Variants in DSCAML1 observed in about 807,000 individuals in gnomAD.
The protein encoded by DSCAML1 is cell adhesion molecule DSCAML1.
In DSCAML1, 38 loss-of-function variants were observed where a neutral mutation model predicts 200.5. The ratio of observed to expected loss-of-function variants is 0.19; its 90% CI spans 0.15 to 0.25. The LOEUF is 0.25. Among genes scored for constraint, DSCAML1 ranks in the 10% least tolerant of loss-of-function variants. The probability of loss-of-function intolerance (pLI) is 1.00; values close to 1 mark genes in which losing one functional copy is unlikely to be tolerated. For missense variants in DSCAML1, 2,223 were observed against 2,858.8 expected, an observed-to-expected ratio of 0.78 and a Z score of 5.07; for synonymous variants, 1,215 against 1,165.0, an observed-to-expected ratio of 1.04 and a Z score of -0.87.
rs1301142862 is a variant in DSCAML1 at position 117,516,233 on chromosome 11, C to T, written c.1783+234G>A. On this transcript the variant is annotated intron_variant, in intron 8 of 32. Transcript: ENST00000651296. The surrounding 1 kb of genome is among the most constrained non-coding windows in gnomAD (Gnocchi z 5.7). ...CCCTCTCATGCACCTGGGGTGTGTGCTGTCTTATTCTGCAGCCCGAGGAGG... is the reference window on the plus strand; with the variant it reads ...CCCTCTCATGCACCTGGGGTGTGTGTTGTCTTATTCTGCAGCCCGAGGAGG... 6.6e-6 allele frequency among the ~76,000 whole-genome samples: 1 copy of T among 152,220 alleles called. No homozygotes were observed. Among genetic ancestry groups the T allele is most frequent in the African/African-American group, 2.4e-5 (1 of 41,458 alleles).
intron 3 of DSCAML1, among the ~76,000 whole-genome samples, chr11:117,663,869 C>T (rs1272480326): frequency 2.0e-5 from 3 of 152,200 alleles, no homozygotes; most frequent in African/African-American, 4.8e-5. Context: ...CAACATCTTT[C>T]CCCGCTACAT....
At chr11:117,756,616 CTAT>C (rs1565265681) in intron 3 of DSCAML1, among the ~76,000 whole-genome samples, 2 of 152,096 alleles carry the variant, frequency 1.3e-5, no homozygotes, top group African/African-American at 2.4e-5. Flanking sequence ...TTGTAGAAAA[CTAT>C]TATTATTCTT....
At position 117,498,740 on chromosome 11, in the gene DSCAML1, C is replaced by T. The variant is rs1032314875; in HGVS notation, c.2359+5105G>A. On this transcript the variant is annotated intron_variant, in intron 11 of 32. Transcript: ENST00000651296. This position sits in a 1 kb window ranked among gnomAD's most constrained non-coding sequence, Gnocchi z 4.0. ...GCCCCCTCCATTTCTCAAGTCCCCA[C>T]GAGAGTTTGGCCCCAAGCTCCCCGC... Among the ~76,000 whole-genome samples, 34 of 152,198 alleles carry T rather than the reference C, an allele frequency of 2.2e-4. No individual in the cohort carries two copies. Among genetic ancestry groups the T allele is most frequent in the East Asian group, 5.8e-4 (3 of 5,202 alleles).
chr11:117,453,746 C>CTTTCTTTTTTTTTTT (rs748920908), intron 19 of DSCAML1, among the ~76,000 whole-genome samples: 2 of 138,182 alleles, frequency 1.4e-5, no homozygotes, highest in African/African-American at 5.7e-5. Flanking sequence ...TTCTTTCTTT[C>CTTTCTTTTTTTTTTT]TTTTTTTTTT....
chr11:117,431,066 G>A (rs1377580588), intron 31 of DSCAML1, 33 bp from the exon 32 acceptor site: 2 of 1,578,758 alleles, frequency 1.3e-6, no homozygotes, highest in African/African-American at 1.3e-5. Flanking sequence ...GTGGGTTACG[G>A]GGAGGAGGGT....
rs2055136503 is a variant in DSCAML1 at position 117,776,816 on chromosome 11, C to T, written c.486G>A (p.Glu162=). ...CTGGGATGATGGAGACTGTGTCTTT[C>T]TCCCAAGATACAACGCTAACATATT... ...VQEYVSVVSW[E]KDTVSIIPEH... The change falls in exon 3 of 33, where the codon GAG becomes GAA. Residue 162 remains glutamate (E), a synonymous_variant. Coordinates refer to ENST00000651296, the MANE Select transcript of DSCAML1 (RefSeq NM_020693.4). The T allele has an allele frequency of 6.2e-7, 1 of 1,614,060 alleles. No homozygotes were observed. Among genetic ancestry groups the T allele is most frequent in the Non-Finnish European group, 8.5e-7 (1 of 1,180,038 alleles).
At chr11:117,482,764 G>A (rs536302850) in intron 11 of DSCAML1, among the ~76,000 whole-genome samples, 1 of 152,304 alleles carries the variant, frequency 6.6e-6, no homozygotes, top group East Asian at 1.9e-4. Context: ...TCAGTTAGAA[G>A]TTAGTGAAAA....
rs2049341708 is a variant in DSCAML1, at chr11:117,498,795, T to G, written c.2359+5050A>C. 6.6e-6 allele frequency among the ~76,000 whole-genome samples: 1 copy of G among 152,176 alleles called. No individual in the cohort carries two copies. The highest frequency in any genetic ancestry group is 2.4e-5 in the African/African-American group (1 of 41,428). ...GATGTTGTGGCTGCGCAGCTGGGTG[T>G]GTGCTCGCTGAGGGCACTGGGACCT... On this transcript the variant is annotated intron_variant, in intron 11 of 32. Transcript: ENST00000651296. This position sits in a 1 kb window ranked among gnomAD's most constrained non-coding sequence, Gnocchi z 4.0.
chr11:117,810,104 T>C (rs896324975), intron 1 of DSCAML1, among the ~76,000 whole-genome samples: 1 of 151,244 alleles, frequency 6.6e-6, no homozygotes, highest in Non-Finnish European at 1.5e-5. Context: ...CACATTCACA[T>C]ACATACATAT....
At chr11:117,487,100 T>G (rs1460323634) in intron 11 of DSCAML1, among the ~76,000 whole-genome samples, 1 of 151,752 alleles carries the variant, frequency 6.6e-6, no homozygotes, top group African/African-American at 2.4e-5. Context: ...AATTTTTGCA[T>G]TTTTAGTAGA....
chr11:117,687,901 G>T (rs771035004), intron 3 of DSCAML1, among the ~76,000 whole-genome samples: 2 of 152,166 alleles, frequency 1.3e-5, no homozygotes, highest in African/African-American at 4.8e-5. Context: ...GACCACATTT[G>T]TCCTCATGGC....
In DSCAML1 at chr11:117,505,076, A is replaced by AT; in HGVS notation, c.2063-34dup. ...AAGAGGGAAGGTAGGGAAACAGACC[A>AT]TTTTAGTCTCTGATGGGTCTCCTAG... On this transcript the variant is annotated intron_variant, in intron 9 of 32. Coordinates refer to ENST00000651296, the MANE Select transcript of DSCAML1 (RefSeq NM_020693.4). The surrounding 1 kb of genome is among the most constrained non-coding windows in gnomAD (Gnocchi z 6.7). 6.3e-7 allele frequency: 1 copy of AT among 1,597,750 alleles called. No homozygotes were observed. The highest frequency in any genetic ancestry group is 8.6e-7 in the Non-Finnish European group (1 of 1,169,300).
chr11:117,490,635 A>G (rs2049165417), intron 11 of DSCAML1, among the ~76,000 whole-genome samples: 1 of 152,202 alleles, frequency 6.6e-6, no homozygotes, highest in South Asian at 2.1e-4. Context: ...GCCTGGCTCT[A>G]TTATCCCCTA....
intron 3 of DSCAML1, among the ~76,000 whole-genome samples, chr11:117,602,276 C>T (rs375017131): frequency 7.2e-5 from 11 of 152,218 alleles, no homozygotes; most frequent in African/African-American, 2.2e-4. Flanking sequence ...CCTGGGCACA[C>T]GTGGCCTGGA....
At chr11:117,755,144 T>C (rs1004410045) in intron 3 of DSCAML1, among the ~76,000 whole-genome samples, 5 of 152,168 alleles carry the variant, frequency 3.3e-5, no homozygotes, top group African/African-American at 1.2e-4. Context: ...ATGATGTCTA[T>C]TGGAAGTCAC....
chr11:117,763,340 T>A (rs1013972547), intron 3 of DSCAML1, among the ~76,000 whole-genome samples: 1 of 151,766 alleles, frequency 6.6e-6, no homozygotes, highest in Non-Finnish European at 1.5e-5. Context: ...CCCTGTGTGA[T>A]CCCAGTGGGC....
chr11:117,504,956 G>T lies in DSCAML1; in HGVS notation c.2150C>A (p.Pro717His), dbSNP rs1181034473. 6.2e-7 allele frequency: 1 copy of T among 1,611,218 alleles called. No homozygotes were observed. Among genetic ancestry groups the T allele is most frequent in the Non-Finnish European group, 8.5e-7 (1 of 1,178,306 alleles). Residue 717 changes from proline to histidine, a missense_variant, in exon 10 of 33, where the codon CCC becomes CAC. This residue lies in a region of DSCAML1 where 212 missense variants were observed against 368.0 expected (regional missense o/e 0.58). Coordinates refer to ENST00000651296, the MANE Select transcript of DSCAML1 (RefSeq NM_020693.4). The surrounding 1 kb of genome is among the most constrained non-coding windows in gnomAD (Gnocchi z 5.0). ...ATGCTTCCACATGACCTTGGGTGGGGGGTAGCCGTCCACCGAGCAGTTGAG... is the reference window on the plus strand; with the variant it reads ...ATGCTTCCACATGACCTTGGGTGGGTGGTAGCCGTCCACCGAGCAGTTGAG... ...GVLNCSVDGY[P>H]PPKVMWKHAK...
chr11:117,498,519 C>T lies in DSCAML1; in HGVS notation c.2359+5326G>A, dbSNP rs138862251. Among the ~76,000 whole-genome samples the T allele has an allele frequency of 2.4e-3, 372 of 152,270 alleles. 1 individual carries two copies. The highest frequency in any genetic ancestry group is 8.3e-3 in the African/African-American group (343 of 41,560). On this transcript the variant is annotated intron_variant, in intron 11 of 32. Coordinates refer to ENST00000651296, the MANE Select transcript of DSCAML1 (RefSeq NM_020693.4). This position sits in a 1 kb window ranked among gnomAD's most constrained non-coding sequence, Gnocchi z 4.0. ...TTGCCCTGTGGAAGGGGTGGGGGCC[C>T]CAGTCCCCCAGGTCTCAGGGAGGTG...
intron 1 of DSCAML1, among the ~76,000 whole-genome samples, chr11:117,784,379 A>T (rs776648028): frequency 3.3e-5 from 5 of 152,186 alleles, no homozygotes; most frequent in Admixed American, 2.0e-4. Flanking sequence ...CTGCCTGCCA[A>T]GGGAGTAAGC....
Sources: gnomAD v4.1 joint callset for allele counts (sites outside exome capture counted in the v4.1 genomes callset) on GRCh38, gnomAD v4.1.1 for gene constraint, gnomAD v4.1.1 regional missense constraint, Gnocchi (gnomAD v3.1) non-coding constraint, MANE v1.5 for transcripts, NCBI Gene and HGNC (gene_info 2026-07-23, HGNC 2026-07-21) for gene names.